The following NEK10 variants were observed in gnomAD, a reference collection of about 807,000 sequenced individuals.
NEK10 encodes the protein NIMA related kinase 10.
A neutral mutation model predicts 159.8 loss-of-function variants in NEK10; 122 were observed. That is an observed-to-expected ratio of 0.76 (90% CI 0.66 to 0.89). The LOEUF is 0.89. NEK10 is among the 40% of genes least tolerant of loss of function. The pLI is 0.00. For missense variants in NEK10, 1,342 were observed against 1,323.1 expected (o/e 1.01, Z -0.22); for synonymous variants, 466 against 457.1 (o/e 1.02, Z -0.25).
intron 5 of NEK10, among the ~76,000 whole-genome samples, chr3:27,323,471 A>G (rs2045795376): frequency 6.6e-6 from 1 of 152,162 alleles, no homozygotes; most frequent in Admixed American, 6.5e-5. Flanking sequence ...ATTCTGGGCA[A>G]AGCACCAATA....
intron 3 of NEK10, among the ~76,000 whole-genome samples, chr3:27,349,404 T>G (rs1352296840): frequency 1.3e-5 from 2 of 152,078 alleles, no homozygotes; most frequent in Non-Finnish European, 1.5e-5. Context: ...AAAATTGGCT[T>G]CCTATTCCTC....
chr3:27,111,330 T>A lies in NEK10; in HGVS notation c.3300-10A>T. On this transcript the variant is annotated splice_polypyrimidine_tract_variant and intron_variant, in intron 35 of 35. Transcript: ENST00000691995. The stretch of plus-strand genomic sequence containing the variant: ...TGGATAGGAATGATACCTATAAGAT[T>A]CAGAAGTGGAAAGAATTCTCTATAG... 6.4e-7 allele frequency: 1 copy of A among 1,573,870 alleles called. No homozygotes were observed. Among genetic ancestry groups the A allele is most frequent in the South Asian group, 1.2e-5 (1 of 84,904 alleles).
chr3:27,257,988 G>A (rs1956391655), intron 22 of NEK10, among the ~76,000 whole-genome samples: 1 of 151,534 alleles, frequency 6.6e-6, no homozygotes, highest in Admixed American at 6.6e-5. Flanking sequence ...AGTAGAGACT[G>A]GGTTTCACAG....
At chr3:27,199,249 C>T (rs1271526295) in intron 25 of NEK10, among the ~76,000 whole-genome samples, 3 of 151,928 alleles carry the variant, frequency 2.0e-5, no homozygotes, top group African/African-American at 7.2e-5. Context: ...CTATAAGGAA[C>T]TTAAGCAAAT....
chr3:27,303,104 T>C (rs1368949660), intron 12 of NEK10, among the ~76,000 whole-genome samples: 1 of 152,184 alleles, frequency 6.6e-6, no homozygotes, highest in Non-Finnish European at 1.5e-5. Context: ...GCTGGGGTAA[T>C]AAATTCTCCC....
At chr3:27,317,801 A>ATTATTTAT (rs1228801067) in intron 6 of NEK10, among the ~76,000 whole-genome samples, 1 of 151,630 alleles carries the variant, frequency 6.6e-6, no homozygotes, top group Non-Finnish European at 1.5e-5. Flanking sequence ...TTATTTATTT[A>ATTATTTAT]TTATTTATTT....
At chr3:27,251,856 T>A (rs150971243) in intron 23 of NEK10, among the ~76,000 whole-genome samples, 397 of 152,052 alleles carry the variant, frequency 2.6e-3, no homozygotes, top group African/African-American at 8.6e-3. Context: ...AGTAACTATG[T>A]AATATATAAA....
chr3:27,263,444 T>C (rs1332397166), intron 22 of NEK10, among the ~76,000 whole-genome samples: 1 of 152,198 alleles, frequency 6.6e-6, no homozygotes, highest in Admixed American at 6.5e-5. Flanking sequence ...GCAGGCCTCC[T>C]TGAGCTGCGG....
intron 23 of NEK10, among the ~76,000 whole-genome samples, chr3:27,253,961 T>C (rs1433525331): frequency 2.0e-5 from 3 of 152,064 alleles, no homozygotes; most frequent in South Asian, 2.1e-4. Context: ...GCCCACGCCC[T>C]GGCATGCCAT....
At chr3:27,208,437 G>A (rs756614076) in intron 23 of NEK10, among the ~76,000 whole-genome samples, 2 of 152,112 alleles carry the variant, frequency 1.3e-5, no homozygotes, top group South Asian at 2.1e-4. Context: ...AAAAATTAAA[G>A]AGCACCCTGA....
intron 23 of NEK10, 115 bp downstream of exon 23, chr3:27,256,181 T>G (rs1260677422): frequency 1.1e-4 from 55 of 493,748 alleles, no homozygotes; most frequent in Non-Finnish European, 3.4e-6. Flanking sequence ...TTGAAAAAAC[T>G]TATAAAATAA....
chr3:27,232,583 A>C (rs1393558362), intron 23 of NEK10, among the ~76,000 whole-genome samples: 1 of 152,066 alleles, frequency 6.6e-6, no homozygotes, highest in African/African-American at 2.4e-5. Context: ...ATATGGAACA[A>C]AAAAAGAGCC....
intron 26 of NEK10, among the ~76,000 whole-genome samples, chr3:27,187,995 T>G (rs1488323919): frequency 6.6e-6 from 1 of 152,204 alleles, no homozygotes; most frequent in Non-Finnish European, 1.5e-5. Context: ...CCTGGGGCTG[T>G]CCCTAACTAG....
chr3:27,272,333 T>C (rs973800613), intron 22 of NEK10, among the ~76,000 whole-genome samples: 10 of 152,196 alleles, frequency 6.6e-5, no homozygotes, highest in Non-Finnish European at 1.3e-4. Context: ...GCATCTCATC[T>C]TCCCCATTTC....
At chr3:27,328,305 C>G (rs989515280) in intron 5 of NEK10, among the ~76,000 whole-genome samples, 5 of 152,072 alleles carry the variant, frequency 3.3e-5, no homozygotes, top group African/African-American at 1.2e-4. Flanking sequence ...ATCACAAAAA[C>G]AAATAAAAAT....
intron 35 of NEK10, among the ~76,000 whole-genome samples, chr3:27,111,554 T>C (rs917954115): frequency 1.7e-4 from 26 of 152,196 alleles, no homozygotes; most frequent in African/African-American, 6.0e-4. Context: ...CACTTTGTAG[T>C]AGAAAAACAA....
At position 27,310,999 on chromosome 3, in the gene NEK10, C is replaced by A; in HGVS notation, c.586G>T (p.Ala196Ser). 2 of 1,610,972 alleles carry A rather than the reference C, an allele frequency of 1.2e-6. No individual in the cohort carries two copies. The highest frequency in any genetic ancestry group is 1.7e-6 in the Non-Finnish European group (2 of 1,177,430). ...VNMTYIFQKLAAVKDQREWVT... is the reference protein window; with the variant it reads ...VNMTYIFQKLSAVKDQREWVT... ...CATTCTCTTTGATCTTTGACTGCAG[C>A]AAGTTTTTGAAAAATATCTATAAAG... The change falls in exon 9 of 36, where the codon GCT becomes TCT. Residue 196 changes from alanine (A) to serine (S), a missense_variant. Transcript: ENST00000691995.
Position 27,174,755 on chromosome 3 carries a change from C to T in NEK10, c.2584G>A (p.Asp862Asn), listed in dbSNP as rs750497619. The change falls in exon 27 of 36, where the codon GAC becomes AAC. Residue 862 changes from aspartate (D) to asparagine (N), a missense_variant. Asp to Asn is a conservative substitution (Grantham distance 23, BLOSUM62 1). Coordinates refer to ENST00000691995, the MANE Select transcript of NEK10 (RefSeq NM_001394966.1). Reference protein sequence around the residue: ...SLKSELSESADLPPEGFQASY... With the variant: ...SLKSELSESANLPPEGFQASY... ...GCCTGGAAGCCTTCAGGGGGCAGGT[C>T]TGCGCTTTCTGAAAGTTCACTTTTC... 1.2e-6 allele frequency: 2 copies of T among 1,613,262 alleles called. No individual in the cohort carries two copies. The highest frequency in any genetic ancestry group is 1.7e-6 in the Non-Finnish European group (2 of 1,179,706).
intron 30 of NEK10, among the ~76,000 whole-genome samples, chr3:27,147,782 C>CA (rs1043661965): frequency 6.6e-6 from 1 of 152,162 alleles, no homozygotes; most frequent in African/African-American, 2.4e-5. Context: ...AACTTGATCA[C>CA]AAAAATGGTA....
Sources: allele counts gnomAD v4.1 joint callset (sites outside exome capture counted in the v4.1 genomes callset), GRCh38; gene constraint gnomAD v4.1.1; transcripts MANE v1.5; gene names NCBI Gene and HGNC (gene_info 2026-07-23, HGNC 2026-07-21).